Variants in PDE4B observed in about 807,000 individuals in gnomAD.
PDE4B encodes phosphodiesterase 4B, also known as 3',5'-cyclic-AMP phosphodiesterase 4B.
In PDE4B, 20 loss-of-function variants were observed where a neutral mutation model predicts 82.2. That is an observed-to-expected ratio of 0.24 (90% CI 0.17 to 0.35). PDE4B has a LOEUF of 0.35. Among genes scored for constraint, PDE4B ranks in the 10% least tolerant of loss-of-function variants. The pLI, the probability that PDE4B is intolerant of heterozygous loss-of-function variation, is 1.00. For missense variants in PDE4B, 655 were observed against 907.2 expected, an observed-to-expected ratio of 0.72 and a Z score of 3.57; for synonymous variants, 320 against 318.9, an observed-to-expected ratio of 1.00 and a Z score of -0.04.
intron 1 of PDE4B, among the ~76,000 whole-genome samples, chr1:65,898,893 G>A (rs755454504): frequency 1.3e-5 from 2 of 152,054 alleles, no homozygotes; most frequent in Admixed American, 6.6e-5. Flanking sequence ...AACCCTTCTA[G>A]ACATTGGCTT....
intron 3 of PDE4B, among the ~76,000 whole-genome samples, chr1:66,146,565 A>T: frequency 6.6e-6 from 1 of 151,906 alleles, no homozygotes; most frequent in East Asian, 1.9e-4. Context: ...CTGTTGCACA[A>T]CTCCACTGTT....
chr1:65,864,349 A>G (rs184346118), intron 1 of PDE4B, among the ~76,000 whole-genome samples: 1 of 152,104 alleles, frequency 6.6e-6, no homozygotes, highest in Admixed American at 6.6e-5. Flanking sequence ...CCACCTTTTG[A>G]AGCCTACTTC....
intron 3 of PDE4B, among the ~76,000 whole-genome samples, chr1:66,170,078 A>G (rs571332768): frequency 1.6e-4 from 25 of 152,228 alleles, no homozygotes; most frequent in Non-Finnish European, 3.2e-4. Flanking sequence ...GCAAGAACAC[A>G]GGGAAGATAA....
At chr1:65,808,871 T>C (rs1183104471) in intron 1 of PDE4B, among the ~76,000 whole-genome samples, 1 of 152,252 alleles carries the variant, frequency 6.6e-6, no homozygotes, top group South Asian at 2.1e-4. Flanking sequence ...TAGTACATGA[T>C]TGTTGTTATT....
intron 3 of PDE4B, among the ~76,000 whole-genome samples, chr1:66,130,304 C>A (rs1173600481): frequency 6.6e-6 from 1 of 152,206 alleles, no homozygotes; most frequent in Non-Finnish European, 1.5e-5. Context: ...TAAATACTGA[C>A]AACAAAATGT....
At chr1:66,179,147 G>A (rs1017553501) in intron 3 of PDE4B, among the ~76,000 whole-genome samples, 30 of 152,016 alleles carry the variant, frequency 2.0e-4, no homozygotes, top group Non-Finnish European at 2.6e-4. Context: ...CACCATGCCC[G>A]GCCCTTAACT....
Position 65,876,572 on chromosome 1 carries a change from G to A in PDE4B, c.-70-36673G>A, listed in dbSNP as rs114717281. 9.4e-3 allele frequency among the ~76,000 whole-genome samples: 1,426 copies of A among 151,876 alleles called. 19 individuals carry two copies. The highest frequency in any genetic ancestry group is 0.031 in the African/African-American group (1,298 of 41,408). On this transcript the variant is annotated intron_variant, in intron 1 of 16. Coordinates refer to ENST00000341517, the MANE Select transcript of PDE4B (RefSeq NM_002600.4). Reference sequence around the variant, plus strand: ...GTGTCAGTGAGTGTTTAAATTCTTCGGAGTTCTCATTAGTAAATTATTTAA... The same window carrying A: ...GTGTCAGTGAGTGTTTAAATTCTTCAGAGTTCTCATTAGTAAATTATTTAA...
At chr1:65,833,325 G>A (rs1388266060) in intron 1 of PDE4B, among the ~76,000 whole-genome samples, 1 of 152,162 alleles carries the variant, frequency 6.6e-6, no homozygotes, top group Non-Finnish European at 1.5e-5. Flanking sequence ...AAGCTGCACT[G>A]GTCTCTAGCC....
rs113836016 is a variant in PDE4B, at chr1:65,847,486, T to G, written c.-71+54238T>G. On this transcript the variant is annotated intron_variant, in intron 1 of 16. Transcript: ENST00000341517. Reference sequence around the variant, plus strand: ...ATGGCTGTGGCCTTCAGATCTTTATTTAATACAAGTTGATGGGGCTACCTC... The same window carrying G: ...ATGGCTGTGGCCTTCAGATCTTTATGTAATACAAGTTGATGGGGCTACCTC... 1.9e-3 allele frequency among the ~76,000 whole-genome samples: 290 copies of G among 152,328 alleles called. 1 individual carries two copies. The highest frequency in any genetic ancestry group is 6.4e-3 in the African/African-American group (265 of 41,580).
intron 3 of PDE4B, among the ~76,000 whole-genome samples, chr1:66,200,473 C>T (rs1024942949): frequency 4.6e-5 from 7 of 152,164 alleles, no homozygotes; most frequent in South Asian, 2.1e-4. Context: ...TCTTCCTACG[C>T]GTGAGCATGG....
chr1:66,361,907 GT>G, intron 10 of PDE4B, 114 bp downstream of exon 10: 1 of 815,370 alleles, frequency 1.2e-6, no homozygotes, highest in East Asian at 2.8e-5. Flanking sequence ...TACATTTTGT[GT>G]TAGGGAAGCT....
chr1:66,129,904 A>G (rs1034048591), intron 3 of PDE4B, among the ~76,000 whole-genome samples: 2 of 152,122 alleles, frequency 1.3e-5, no homozygotes, highest in African/African-American at 4.8e-5. Flanking sequence ...TTTTAATGCA[A>G]ATTCCATGCA....
intron 7 of PDE4B, among the ~76,000 whole-genome samples, chr1:66,295,289 C>A (rs1657423342): frequency 6.6e-6 from 1 of 152,068 alleles, no homozygotes; most frequent in African/African-American, 2.4e-5. Context: ...CTTTTTTGAT[C>A]ATGACTCACA....
intron 6 of PDE4B, among the ~76,000 whole-genome samples, chr1:66,264,420 T>C (rs1654891195): frequency 6.6e-6 from 1 of 152,222 alleles, no homozygotes; most frequent in South Asian, 2.1e-4. Context: ...TTATAAATCA[T>C]GTGTCAGTAT....
chr1:66,294,793 GA>G, intron 7 of PDE4B, among the ~76,000 whole-genome samples: 2 of 152,170 alleles, frequency 1.3e-5, no homozygotes. Flanking sequence ...TACATTAAAA[GA>G]GAAAGGGGAG....
In PDE4B at chr1:66,365,643, T is replaced by C. The variant is rs140802826; in HGVS notation, c.1285-24T>C. 3.1e-4 allele frequency: 444 copies of C among 1,432,638 alleles called. 11 individuals carry two copies. In the Middle Eastern group the frequency reaches 0.011, roughly 35 times the overall value. 88.7% of individuals were successfully genotyped at this position (1,432,638 alleles called of 1,614,324 possible). The stretch of plus-strand genomic sequence containing the variant: ...AGGATAGGCGAATTGGATGTGTAGT[T>C]AAATGTGTTTATTTGCCCGACAGGC... On this transcript the variant is annotated intron_variant, in intron 12 of 16. Coordinates refer to ENST00000341517, the MANE Select transcript of PDE4B (RefSeq NM_002600.4).
intron 3 of PDE4B, among the ~76,000 whole-genome samples, chr1:66,037,050 T>G (rs1654104280): frequency 6.6e-6 from 1 of 150,982 alleles, no homozygotes; most frequent in African/African-American, 2.4e-5. Context: ...GGAGAATCAC[T>G]TGAACCTGGG....
At position 66,110,017 on chromosome 1, in the gene PDE4B, C is replaced by CA. The variant is rs780871062; in HGVS notation, c.282-137439dup. Among the ~76,000 whole-genome samples the CA allele has an allele frequency of 3.3e-5, 5 of 151,956 alleles. No homozygotes were observed. The South Asian group carries it at 8.3e-4, about 25-fold the overall frequency. ...TGAGAAAGATCATGTAATTAATTGT[C>CA]AAAACTTTTAAATCAAAATGCTAGC... On this transcript the variant is annotated intron_variant, in intron 3 of 16. Coordinates refer to ENST00000341517, the MANE Select transcript of PDE4B (RefSeq NM_002600.4).
chr1:66,317,160 A>G (rs1014515431), intron 7 of PDE4B, among the ~76,000 whole-genome samples: 1 of 152,190 alleles, frequency 6.6e-6, no homozygotes, highest in Non-Finnish European at 1.5e-5. Context: ...ATAACTGTTA[A>G]TCTTTCCTAA....
Sources: allele counts gnomAD v4.1 joint callset (sites outside exome capture counted in the v4.1 genomes callset), GRCh38; gene constraint gnomAD v4.1.1; transcripts MANE v1.5; gene names NCBI Gene and HGNC (gene_info 2026-07-23, HGNC 2026-07-21).